The following CENPI variants were observed in gnomAD, a reference collection of about 807,000 sequenced individuals.
CENPI encodes FSH primary response 1.
Under a neutral mutation model 60.4 loss-of-function variants are expected in CENPI, and 4 were observed. The observed-to-expected ratio is 0.07, with a 90% CI of 0.03 to 0.15. The LOEUF (loss-of-function observed/expected upper bound fraction) is 0.15. CENPI is among the 10% of genes least tolerant of loss of function. The probability of loss-of-function intolerance (pLI) is 1.00; values close to 1 mark genes in which losing one functional copy is unlikely to be tolerated. For missense variants in CENPI, 444 were observed against 534.5 expected (o/e 0.83, Z 1.67); for synonymous variants, 157 against 189.4 (o/e 0.83, Z 1.40).
chrX:101,117,685 G>T (rs1460403175), intron 6 of CENPI, among the ~76,000 whole-genome samples: 2 of 111,476 alleles, frequency 1.8e-5, no homozygotes, highest in African/African-American at 6.5e-5. Context: ...TATTATAATA[G>T]ATCCTCTGCA....
intron 11 of CENPI, among the ~76,000 whole-genome samples, chrX:101,128,104 G>A (rs188629391): frequency 2.5e-3 from 273 of 111,178 alleles, no homozygotes; most frequent in Non-Finnish European, 1.3e-3. Context: ...GGATGCTGAG[G>A]CGGGCAGATC....
At chrX:101,161,911 G>A (rs1357905015) in intron 21 of CENPI, among the ~76,000 whole-genome samples, 1 of 111,297 alleles carries the variant, frequency 9.0e-6, no homozygotes. Flanking sequence ...AGTGGTTGAG[G>A]CAGGAGGATC....
Position 101,148,086 on chromosome X carries a change from G to C in CENPI, c.2019G>C (p.Val673=). 3.4e-6 allele frequency: 4 copies of C among 1,180,707 alleles called. No homozygotes were observed. Among genetic ancestry groups the C allele is most frequent in the Non-Finnish European group, 4.5e-6 (4 of 884,642 alleles). The change falls in exon 20 of 22, where the codon GTG becomes GTC. Residue 673 remains valine (V), a synonymous_variant. Coordinates refer to ENST00000682095, the MANE Select transcript of CENPI (RefSeq NM_001386188.2). ...CTGAAATCCTAGAAAAAACTGGAGT[G>C]GCTGAATATAAAAACAGTTTAAATG... ...IDPEILEKTG[V]AEYKNSLNVV... is the part of the protein sequence containing the mutation.
Position 101,102,279 on chromosome X carries a change from A to G in CENPI, c.232A>G (p.Ile78Val). ...MAVGYFEKGP[I>V]KASQNKDKTL... ...AATATTGTTTCTTTTTTCAGGTCCC[A>G]TTAAAGCTTCACAGAATAAAGATAA... Residue 78 changes from isoleucine to valine, a missense_variant, in exon 4 of 22, where the codon ATT becomes GTT. Coordinates refer to ENST00000682095, the MANE Select transcript of CENPI (RefSeq NM_001386188.2). 8.5e-7 allele frequency: 1 copy of G among 1,177,816 alleles called. No homozygotes were observed. Among genetic ancestry groups the G allele is most frequent in the East Asian group, 3.0e-5 (1 of 33,434 alleles).
At chrX:101,124,081 A>G (rs1046647306) in intron 8 of CENPI, among the ~76,000 whole-genome samples, 5 of 97,174 alleles carry the variant, frequency 5.1e-5, no homozygotes, top group Non-Finnish European at 1.0e-4. Context: ...GGTTGTACAT[A>G]TAGAATCAAG....
intron 6 of CENPI, among the ~76,000 whole-genome samples, chrX:101,116,195 G>A (rs760057773): frequency 8.8e-4 from 98 of 111,460 alleles, no homozygotes; most frequent in African/African-American, 2.9e-3. Flanking sequence ...TAACTAATCC[G>A]GAGACGATTT....
At chrX:101,153,044 A>G (rs1413755204) in intron 20 of CENPI, among the ~76,000 whole-genome samples, 1 of 107,889 alleles carries the variant, frequency 9.3e-6, no homozygotes, top group Non-Finnish European at 1.9e-5. Flanking sequence ...ACCATTTCAC[A>G]TTCCCATCAG....
chrX:101,148,984 T>A (rs999912550), intron 20 of CENPI, among the ~76,000 whole-genome samples: 5 of 111,538 alleles, frequency 4.5e-5, no homozygotes, highest in African/African-American at 1.3e-4. Context: ...AGGCAGTCAT[T>A]AAACAGACAT....
chrX:101,128,132 C>T (rs1300511886), intron 11 of CENPI, among the ~76,000 whole-genome samples: 1 of 110,855 alleles, frequency 9.0e-6, no homozygotes, highest in African/African-American at 3.3e-5. Context: ...GTTGGGAGTT[C>T]GGGACCAGCC....
At chrX:101,154,578 C>T (rs1388573318) in intron 20 of CENPI, among the ~76,000 whole-genome samples, 1 of 110,366 alleles carries the variant, frequency 9.1e-6, no homozygotes, top group East Asian at 2.9e-4. Flanking sequence ...AAAACTCTGT[C>T]TAAAAAAACA....
chrX:101,134,821 C>G (rs1185104182), intron 15 of CENPI, among the ~76,000 whole-genome samples: 2 of 110,767 alleles, frequency 1.8e-5, no homozygotes, highest in East Asian at 5.6e-4. Context: ...ATCAGGAGTT[C>G]GAGACCAGCC....
At position 101,101,264 on chromosome X, in the gene CENPI, C is replaced by T; in HGVS notation, c.194C>T (p.Ala65Val). ...GCTGATGATCAAGCTGAAGAAGATG[C>T]TTTGCAAATGGCAGTGGGATATTTT... The part of the protein sequence containing the change: ...EHADDQAEED[A>V]LQMAVGYFEK... Residue 65 changes from alanine to valine, a missense_variant, in exon 3 of 22, where the codon GCT (alanine) becomes GTT (valine). By Grantham distance (64) the Ala-to-Val change is moderately conservative. Coordinates refer to ENST00000682095, the MANE Select transcript of CENPI (RefSeq NM_001386188.2). The T allele has an allele frequency of 8.3e-7, 1 of 1,202,190 alleles. No homozygotes were observed. Among genetic ancestry groups the T allele is most frequent in the Non-Finnish European group, 1.1e-6 (1 of 886,915 alleles).
intron 20 of CENPI, among the ~76,000 whole-genome samples, chrX:101,157,182 A>G (rs1490736392): frequency 1.8e-5 from 2 of 111,580 alleles, no homozygotes; most frequent in African/African-American, 6.5e-5. Context: ...AACTTTTTTT[A>G]TTATGGCCAG....
At chrX:101,121,280 G>T (rs925727556) in intron 8 of CENPI, among the ~76,000 whole-genome samples, 3 of 110,504 alleles carry the variant, frequency 2.7e-5, no homozygotes, top group Non-Finnish European at 5.7e-5. Flanking sequence ...ATGCTTGAGA[G>T]AATTATTTAT....
At chrX:101,118,712 T>C (rs901789823) in intron 6 of CENPI, among the ~76,000 whole-genome samples, 1 of 112,263 alleles carries the variant, frequency 8.9e-6, no homozygotes, top group Admixed American at 9.5e-5. Flanking sequence ...AGATTTCCTA[T>C]AATAATGGAG....
chrX:101,180,509 A>G, the CENPI span, among the ~76,000 whole-genome samples: 2 of 112,046 alleles, frequency 1.8e-5, no homozygotes, highest in Non-Finnish European at 3.8e-5. Flanking sequence ...TATTCTGAAT[A>G]TAAGACACTT....
intron 4 of CENPI, among the ~76,000 whole-genome samples, chrX:101,105,325 C>T (rs2089470587): frequency 4.5e-5 from 5 of 111,034 alleles, no homozygotes; most frequent in African/African-American, 1.6e-4. Context: ...GAGATCGAGA[C>T]CATCCTGGCT....
intron 6 of CENPI, among the ~76,000 whole-genome samples, chrX:101,115,979 C>T (rs1328351075): frequency 3.6e-5 from 4 of 111,443 alleles, no homozygotes; most frequent in African/African-American, 6.5e-5. Flanking sequence ...TACCATGTAT[C>T]GGAACTTCAT....
chrX:101,109,249 T>A (rs1316729965), intron 4 of CENPI, among the ~76,000 whole-genome samples: 1 of 108,485 alleles, frequency 9.2e-6, no homozygotes, highest in Non-Finnish European at 1.9e-5. Flanking sequence ...CCCAGCTAAT[T>A]TTTATATTTT....
Sources: gnomAD v4.1 joint callset for allele counts (sites outside exome capture counted in the v4.1 genomes callset) on GRCh38, gnomAD v4.1.1 for gene constraint, MANE v1.5 for transcripts, NCBI Gene and HGNC (gene_info 2026-07-23, HGNC 2026-07-21) for gene names.